Variants in ADGRD1 observed in about 807,000 individuals in gnomAD.
ADGRD1 encodes the protein adhesion G protein-coupled receptor D1.
ADGRD1 carries 77 observed loss-of-function variants against 113.4 expected under a neutral mutation model. That is an observed-to-expected ratio of 0.68 (90% CI 0.57 to 0.82). ADGRD1 has a LOEUF of 0.82. ADGRD1 is among the 40% of genes least tolerant of loss of function. The probability of loss-of-function intolerance (pLI) is 0.00; values close to 1 mark genes in which losing one functional copy is unlikely to be tolerated. For synonymous variants in ADGRD1, 474 were observed against 475.0 expected (o/e 1.00, Z 0.03); for missense variants, 1,036 against 1,139.1 (o/e 0.91, Z 1.30).
chr12:130,978,599 T>C (rs1035631127), intron 4 of ADGRD1: 2 of 152,142 alleles, frequency 1.3e-5, no homozygotes, highest in African/African-American at 4.8e-5. Flanking sequence ...ATATAAGCTG[T>C]TGCTCAGGTA....
Position 131,057,617 on chromosome 12 carries a change from G to T in ADGRD1, c.1474-19184G>T, listed in dbSNP as rs1191041319. On this transcript the variant is annotated intron_variant, in intron 13 of 24. Coordinates refer to ENST00000261654, the MANE Select transcript of ADGRD1 (RefSeq NM_198827.5). The surrounding 1 kb of genome is among the most constrained non-coding windows in gnomAD (Gnocchi z 4.2). ...CTCCCCACGGCCTCCTCTTCCGTGT[G>T]TCATTGTCCTTTCCCGCAGTGTACG... Among the ~76,000 whole-genome samples, 1 of 152,162 alleles carries T rather than the reference G, an allele frequency of 6.6e-6. No homozygotes were observed.
chr12:131,132,530 C>CTGG (rs2136100186), intron 21 of ADGRD1, among the ~76,000 whole-genome samples: 2 of 151,902 alleles, frequency 1.3e-5, no homozygotes, highest in African/African-American at 4.8e-5. Context: ...GTTGCAGCAC[C>CTGG]GGGCCCAGCT....
At chr12:130,976,357 C>A (rs1053904127) in intron 4 of ADGRD1, among the ~76,000 whole-genome samples, 2 of 152,150 alleles carry the variant, frequency 1.3e-5, no homozygotes, top group Admixed American at 1.3e-4. Flanking sequence ...GCAAGATGAG[C>A]CTGAGCTGCC....
At chr12:131,104,736 G>T in intron 15 of ADGRD1, 95 bp from the exon 16 acceptor site, 2 of 741,260 alleles carry the variant, frequency 2.7e-6, no homozygotes, top group South Asian at 1.8e-5. Context: ...ACACTCACAG[G>T]GGACCAGCTG....
chr12:131,052,548 G>A (rs897267800), intron 13 of ADGRD1, among the ~76,000 whole-genome samples: 4 of 152,194 alleles, frequency 2.6e-5, no homozygotes, highest in Non-Finnish European at 5.9e-5. Flanking sequence ...ATCTGCCTCC[G>A]CCAGGGCTGG....
In ADGRD1 at chr12:131,104,726, A is replaced by G. The variant is rs528754358; in HGVS notation, c.1672-105A>G. 35 of 683,966 alleles carry G rather than the reference A, an allele frequency of 5.1e-5. 1 individual carries two copies. In the South Asian group the frequency reaches 6.6e-4, roughly 13 times the overall value. The allele number at this position is 683,966 out of a possible 1,614,324, so 42.4% of individuals were successfully genotyped here. The stretch of plus-strand genomic sequence containing the variant: ...GGAGGCAGGCTTGGTGGTCAGCACC[A>G]CACTCACAGGGGACCAGCTGTGCAC... On this transcript the variant is annotated intron_variant, in intron 15 of 24. Coordinates refer to ENST00000261654, the MANE Select transcript of ADGRD1 (RefSeq NM_198827.5).
chr12:131,136,037 G>A lies in ADGRD1; in HGVS notation c.2268G>A (p.Lys756=), dbSNP rs1156807342. ...GGTGACTGTCACTGTTTCTCTCCAG[G>A]TTGACAGCCAAGGCAGTGGCCGTGC... ...YKIHGDPSAF[K]LTAKAVAVLL... is the part of the protein sequence containing the mutation. Residue 756 remains lysine, a splice_region_variant and synonymous_variant, in exon 22 of 25, where the codon AAG becomes AAA. Coordinates refer to ENST00000261654, the MANE Select transcript of ADGRD1 (RefSeq NM_198827.5). 21 of 1,614,002 alleles carry A rather than the reference G, an allele frequency of 1.3e-5. No individual in the cohort carries two copies. Among genetic ancestry groups the A allele is most frequent in the Non-Finnish European group, 1.8e-5 (21 of 1,179,994 alleles).
chr12:131,008,564 G>T (rs1877474546), intron 12 of ADGRD1, among the ~76,000 whole-genome samples: 1 of 152,210 alleles, frequency 6.6e-6, no homozygotes, highest in East Asian at 1.9e-4. Flanking sequence ...ACCATTCCAG[G>T]GCTCCTGTGA....
At chr12:131,135,266 C>T (rs1184615154) in intron 21 of ADGRD1, among the ~76,000 whole-genome samples, 1 of 152,196 alleles carries the variant, frequency 6.6e-6, no homozygotes, top group Non-Finnish European at 1.5e-5. Flanking sequence ...TTACCAGGGG[C>T]TGTGGGGCCT....
intron 21 of ADGRD1, among the ~76,000 whole-genome samples, chr12:131,134,423 C>G (rs149735604): frequency 3.7e-4 from 56 of 152,344 alleles, no homozygotes; most frequent in African/African-American, 1.3e-3. Flanking sequence ...TTCTATTGTT[C>G]ATTTTAAGAA....
rs550332048 is a variant in ADGRD1 at position 131,033,274 on chromosome 12, G to A, written c.1473+18934G>A. 3.1e-3 allele frequency among the ~76,000 whole-genome samples: 470 copies of A among 152,272 alleles called. 3 individuals are homozygous for A. Among genetic ancestry groups the A allele is most frequent in the African/African-American group, 0.011 (445 of 41,560 alleles). On this transcript the variant is annotated intron_variant, in intron 13 of 24. Coordinates refer to ENST00000261654, the MANE Select transcript of ADGRD1 (RefSeq NM_198827.5). The stretch of plus-strand genomic sequence containing the variant: ...TGTGTGGCAGGGGCTGGGGTGGGGT[G>A]GGAAGGAAGGACTTCCAGGCCGGAG...
chr12:131,055,832 C>T (rs1248922724), intron 13 of ADGRD1, among the ~76,000 whole-genome samples: 2 of 152,146 alleles, frequency 1.3e-5, no homozygotes, highest in African/African-American at 4.8e-5. Flanking sequence ...TGTCAGATTC[C>T]CCCATTCTTT....
chr12:130,968,774 G>T, intron 3 of ADGRD1: 1 of 572,388 alleles, frequency 1.7e-6, no homozygotes, highest in Non-Finnish European at 3.1e-6. Context: ...AACTGAGTGG[G>T]GCCACTGGAG....
intron 20 of ADGRD1, among the ~76,000 whole-genome samples, chr12:131,124,015 C>T (rs1321642449): frequency 6.6e-6 from 1 of 152,166 alleles, no homozygotes; most frequent in East Asian, 1.9e-4. Flanking sequence ...CTGCGTGGCC[C>T]GCAAAGCCAA....
intron 13 of ADGRD1, 93 bp downstream of exon 13, chr12:131,014,433 C>T (rs1878320025): frequency 5.8e-6 from 7 of 1,205,660 alleles, no homozygotes; most frequent in South Asian, 4.5e-5. Flanking sequence ...TAAAGAATCT[C>T]CAACAGCCTT....
chr12:131,060,932 A>G lies in ADGRD1; in HGVS notation c.1474-15869A>G, dbSNP rs1002409321. On this transcript the variant is annotated intron_variant, in intron 13 of 24. Transcript: ENST00000261654. This position sits in a 1 kb window ranked among gnomAD's most constrained non-coding sequence, Gnocchi z 4.4. ...CCCATGTTACCTGGATGGAGAACAGAGTGGACAGAGTCCTGAAGGTCCCTC... is the reference window on the plus strand; with the variant it reads ...CCCATGTTACCTGGATGGAGAACAGGGTGGACAGAGTCCTGAAGGTCCCTC... Among the ~76,000 whole-genome samples the G allele has an allele frequency of 1.3e-5, 2 of 151,978 alleles. No individual in the cohort carries two copies. The highest frequency in any genetic ancestry group is 4.8e-5 in the African/African-American group (2 of 41,378).
At chr12:131,095,528 T>A (rs969032702) in intron 15 of ADGRD1, among the ~76,000 whole-genome samples, 2 of 152,238 alleles carry the variant, frequency 1.3e-5, no homozygotes, top group African/African-American at 4.8e-5. Flanking sequence ...CTTTCGGGGC[T>A]ACCCTCAGAA....
chr12:130,996,104 A>G (rs540607530), intron 8 of ADGRD1, among the ~76,000 whole-genome samples: 1 of 152,342 alleles, frequency 6.6e-6, no homozygotes, highest in East Asian at 1.9e-4. Flanking sequence ...GTAAGGTCAT[A>G]GATCAACAGG....
chr12:131,031,573 C>T (rs936561721), intron 13 of ADGRD1, among the ~76,000 whole-genome samples: 11 of 152,150 alleles, frequency 7.2e-5, no homozygotes, highest in Admixed American at 7.2e-4. Context: ...CACGGCCCCC[C>T]CACCCTTCCT....
Sources: allele counts gnomAD v4.1 joint callset (sites outside exome capture counted in the v4.1 genomes callset), GRCh38; gene constraint gnomAD v4.1.1; non-coding constraint Gnocchi (gnomAD v3.1); transcripts MANE v1.5; gene names NCBI Gene and HGNC (gene_info 2026-07-23, HGNC 2026-07-21).